THSD4: variants seen among roughly 807,000 people sequenced by gnomAD.
THSD4 encodes thrombospondin type 1 domain containing 4.
Under a neutral mutation model 119.0 loss-of-function variants are expected in THSD4, and 69 were observed. The observed-to-expected ratio is 0.58, with a 90% CI of 0.48 to 0.71. The LOEUF is 0.71. Ranked by LOEUF, THSD4 falls within the 30% of genes least tolerant of loss-of-function variation. THSD4 has a pLI of 0.00. For synonymous variants in THSD4, 524 were observed against 540.4 expected (o/e 0.97, Z 0.42); for missense variants, 1,393 against 1,391.1 (o/e 1.00, Z -0.02).
At chr15:71,347,917 G>A (rs1018727264) in intron 6 of THSD4, among the ~76,000 whole-genome samples, 2 of 152,012 alleles carry the variant, frequency 1.3e-5, no homozygotes, top group African/African-American at 4.8e-5. Flanking sequence ...TAACTAGCCC[G>A]TCTCCATACC....
chr15:71,374,311 C>G (rs2046101769), intron 6 of THSD4, among the ~76,000 whole-genome samples: 1 of 152,156 alleles, frequency 6.6e-6, no homozygotes, highest in South Asian at 2.1e-4. Context: ...CACTCATTTC[C>G]CATCTGTCGA....
At chr15:71,466,172 AC>A (rs916659561) in intron 7 of THSD4, among the ~76,000 whole-genome samples, 1 of 151,724 alleles carries the variant, frequency 6.6e-6, no homozygotes, top group African/African-American at 2.4e-5. Context: ...ACATGGTGAA[AC>A]CCTGTCTCTA....
chr15:71,277,076 G>C (rs770927135), intron 6 of THSD4, among the ~76,000 whole-genome samples: 9 of 150,936 alleles, frequency 6.0e-5, no homozygotes, highest in Non-Finnish European at 1.2e-4. Flanking sequence ...ATCCACTGCA[G>C]AATAATAAAA....
At chr15:71,286,818 T>C (rs932304318) in intron 6 of THSD4, among the ~76,000 whole-genome samples, 4 of 152,218 alleles carry the variant, frequency 2.6e-5, no homozygotes, top group Non-Finnish European at 5.9e-5. Flanking sequence ...GCATCTGTTA[T>C]TTTTTGTCAC....
chr15:71,758,844 C>T (rs1209566762), intron 15 of THSD4, among the ~76,000 whole-genome samples: 1 of 152,202 alleles, frequency 6.6e-6, no homozygotes, highest in Non-Finnish European at 1.5e-5. Flanking sequence ...GAAAAAAATG[C>T]ACTGCCTTAT....
intron 6 of THSD4, among the ~76,000 whole-genome samples, chr15:71,381,325 C>T (rs1380022106): frequency 6.6e-6 from 1 of 152,174 alleles, no homozygotes; most frequent in Non-Finnish European, 1.5e-5. Context: ...TAATTTGGAT[C>T]AATCTTATGA....
intron 4 of THSD4, among the ~76,000 whole-genome samples, chr15:71,234,786 T>C (rs2044090079): frequency 6.6e-6 from 1 of 152,184 alleles, no homozygotes; most frequent in African/African-American, 2.4e-5. Context: ...AGTCTTCCCT[T>C]CTCTGGCGCT....
chr15:71,671,849 G>T lies in THSD4; in HGVS notation c.1357+11115G>T, dbSNP rs560779580. ...TTCTGATCCATTGGTTTATATCTCT[G>T]TTTTGGTACCAGTACCATGCTTGTT... On this transcript the variant is annotated intron_variant, in intron 8 of 17. Coordinates refer to ENST00000261862, the MANE Select transcript of THSD4 (RefSeq NM_024817.3). Among the ~76,000 whole-genome samples the T allele has an allele frequency of 7.9e-5, 12 of 152,278 alleles. No individual in the cohort carries two copies. The South Asian group carries it at 2.5e-3, about 32-fold the overall frequency.
chr15:71,774,191 GTCCCA>G (rs1186342775), intron 17 of THSD4, among the ~76,000 whole-genome samples: 2 of 151,792 alleles, frequency 1.3e-5, no homozygotes, highest in African/African-American at 4.8e-5. Flanking sequence ...CATGCCTATA[GTCCCA>G]GCTACTTGGA....
chr15:71,697,054 G>A lies in THSD4; in HGVS notation c.1358-31495G>A, dbSNP rs570363614. Among the ~76,000 whole-genome samples the A allele has an allele frequency of 7.2e-5, 11 of 152,356 alleles. No homozygotes were observed. In the East Asian group the frequency reaches 2.1e-3, roughly 29 times the overall value. On this transcript the variant is annotated intron_variant, in intron 8 of 17. Transcript: ENST00000261862. ...GAACAGGAGAAAGGAAGGAGGGAGT[G>A]CCCTTTGGCAACTGGGTGATAAGAC... is the stretch of plus-strand genomic sequence containing the variant.
intron 1 of THSD4, among the ~76,000 whole-genome samples, chr15:71,139,210 G>A (rs1184085206): frequency 6.6e-6 from 1 of 152,106 alleles, no homozygotes; most frequent in African/African-American, 2.4e-5. Flanking sequence ...TGTACTTAGG[G>A]TCTGAATGAA....
chr15:71,532,788 C>T (rs1479755885), intron 7 of THSD4, among the ~76,000 whole-genome samples: 3 of 151,912 alleles, frequency 2.0e-5, no homozygotes, highest in Non-Finnish European at 4.4e-5. Flanking sequence ...CTGTTCTATT[C>T]GAAGCAGAAA....
chr15:71,223,076 G>A (rs868224607), intron 4 of THSD4, among the ~76,000 whole-genome samples: 14 of 152,194 alleles, frequency 9.2e-5, no homozygotes, highest in South Asian at 2.1e-4. Flanking sequence ...GCGTCTCAAT[G>A]CCTTCCACCT....
At chr15:71,241,357 G>T (rs1046841201) in intron 4 of THSD4, among the ~76,000 whole-genome samples, 2 of 152,194 alleles carry the variant, frequency 1.3e-5, no homozygotes, top group African/African-American at 2.4e-5. Flanking sequence ...CAGTGAAGGC[G>T]AAACCTTTTC....
intron 3 of THSD4, among the ~76,000 whole-genome samples, chr15:71,158,495 C>A (rs1429451909): frequency 6.6e-6 from 1 of 152,128 alleles, no homozygotes; most frequent in Non-Finnish European, 1.5e-5. Flanking sequence ...GCTGTTCTAA[C>A]TGGAGGGAGG....
At chr15:71,357,557 T>A (rs2045835251) in intron 6 of THSD4, among the ~76,000 whole-genome samples, 1 of 152,188 alleles carries the variant, frequency 6.6e-6, no homozygotes, top group Non-Finnish European at 1.5e-5. Context: ...CTGGGGAGGC[T>A]ATGCAGAGCC....
At chr15:71,324,719 C>G (rs570034599) in intron 6 of THSD4, among the ~76,000 whole-genome samples, 10 of 152,286 alleles carry the variant, frequency 6.6e-5, no homozygotes, top group Admixed American at 6.5e-4. Flanking sequence ...CCTATGGACA[C>G]TTAGGTTAGT....
chr15:71,560,423 C>A (rs2049094583), intron 7 of THSD4, among the ~76,000 whole-genome samples: 1 of 152,128 alleles, frequency 6.6e-6, no homozygotes, highest in Admixed American at 6.5e-5. Context: ...AGACAGGAAA[C>A]AACAAATAGG....
At chr15:71,472,016 A>C (rs1237031525) in intron 7 of THSD4, among the ~76,000 whole-genome samples, 1 of 152,054 alleles carries the variant, frequency 6.6e-6, no homozygotes, top group African/African-American at 2.4e-5. Context: ...CTGGGCTCAA[A>C]CAATCCCTCC....
Sources: allele counts gnomAD v4.1 joint callset (sites outside exome capture counted in the v4.1 genomes callset), GRCh38; gene constraint gnomAD v4.1.1; transcripts MANE v1.5; gene names NCBI Gene and HGNC (gene_info 2026-07-23, HGNC 2026-07-21).